Variants in AIG1 observed in about 807,000 individuals in gnomAD.
The protein encoded by AIG1 is androgen-induced gene 1 protein.
In AIG1, 23 loss-of-function variants were observed where a neutral mutation model predicts 31.4. The ratio of observed to expected loss-of-function variants is 0.73; its 90% CI spans 0.53 to 1.04. The LOEUF is 1.04. Ranked by LOEUF, AIG1 falls within the 50% of genes least tolerant of loss-of-function variation. The pLI is 0.00. For missense variants in AIG1, 274 were observed against 295.0 expected, an observed-to-expected ratio of 0.93 and a Z score of 0.52; for synonymous variants, 100 against 110.5, an observed-to-expected ratio of 0.90 and a Z score of 0.60.
chr6:143,274,798 C>A (rs114911914), intron 3 of AIG1, among the ~76,000 whole-genome samples: 1,723 of 152,272 alleles, frequency 0.011, 40 homozygotes, highest in African/African-American at 0.039. Flanking sequence ...TTCTACACTA[C>A]CTTTGACAAG....
chr6:143,235,584 C>T (rs933643001), intron 3 of AIG1, among the ~76,000 whole-genome samples: 2 of 151,866 alleles, frequency 1.3e-5, no homozygotes, highest in Non-Finnish European at 2.9e-5. Flanking sequence ...TGTTCCCAGG[C>T]TCCCCATCTC....
At chr6:143,194,163 A>C (rs1373029446) in intron 3 of AIG1, among the ~76,000 whole-genome samples, 1 of 152,216 alleles carries the variant, frequency 6.6e-6, no homozygotes, top group African/African-American at 2.4e-5. Context: ...GATTTAATTG[A>C]CTTACAGTTC....
At chr6:143,249,671 C>T (rs947882416) in intron 3 of AIG1, among the ~76,000 whole-genome samples, 1 of 152,224 alleles carries the variant, frequency 6.6e-6, no homozygotes, top group Non-Finnish European at 1.5e-5. Context: ...GACGACCCCT[C>T]TCCTGATAGT....
At chr6:143,066,012 C>T (rs2128457722) in intron 1 of AIG1, among the ~76,000 whole-genome samples, 1 of 152,258 alleles carries the variant, frequency 6.6e-6, no homozygotes, top group South Asian at 2.1e-4. Context: ...CATGTCATGG[C>T]AGAATATTGT....
chr6:143,209,917 G>A (rs970137854), intron 3 of AIG1, among the ~76,000 whole-genome samples: 2 of 152,122 alleles, frequency 1.3e-5, no homozygotes, highest in African/African-American at 2.4e-5. Context: ...CTTGCCTGTC[G>A]TGTTCACTGC....
At chr6:143,231,327 A>G (rs1194803890) in intron 3 of AIG1, among the ~76,000 whole-genome samples, 1 of 152,238 alleles carries the variant, frequency 6.6e-6, no homozygotes, top group Non-Finnish European at 1.5e-5. Context: ...TTTTTCCTTC[A>G]AGATAGTGAA....
intron 1 of AIG1, among the ~76,000 whole-genome samples, chr6:143,134,401 T>G (rs1421112016): frequency 6.6e-6 from 1 of 151,318 alleles, no homozygotes; most frequent in Non-Finnish European, 1.5e-5. Context: ...GTTTCCTTTT[T>G]TTTTTTTTTT....
intron 2 of AIG1, among the ~76,000 whole-genome samples, chr6:143,142,974 G>C (rs1784367344): frequency 6.6e-6 from 1 of 152,134 alleles, no homozygotes; most frequent in African/African-American, 2.4e-5. Flanking sequence ...AAGAGGTTTT[G>C]AGATGCATAT....
Position 143,087,194 on chromosome 6 carries a change from C to T in AIG1, c.141+26128C>T, listed in dbSNP as rs12664593. On this transcript the variant is annotated intron_variant, in intron 1 of 5. Coordinates refer to ENST00000357847, the MANE Select transcript of AIG1 (RefSeq NM_016108.4). The stretch of plus-strand genomic sequence containing the variant: ...CTCACCTCTTTGGAGAATCCCAGTA[C>T]GGTCTACCAAATGTTACCGGCGGGT... Among the ~76,000 whole-genome samples the T allele has an allele frequency of 1.4e-3, 217 of 152,310 alleles. 2 individuals are homozygous for T. The East Asian group carries it at 0.031, about 22-fold the overall frequency.
At chr6:143,111,770 AG>A (rs1172632910) in intron 1 of AIG1, among the ~76,000 whole-genome samples, 1 of 152,196 alleles carries the variant, frequency 6.6e-6, no homozygotes, top group East Asian at 1.9e-4. Context: ...GCAGCCTGGA[AG>A]TGGTTATTGA....
At chr6:143,308,203 G>T (rs2208819) in intron 4 of AIG1, among the ~76,000 whole-genome samples, 2 of 152,062 alleles carry the variant, frequency 1.3e-5, no homozygotes, top group African/African-American at 2.4e-5. Context: ...CGCACGGTGC[G>T]CTGCACCCAC....
intron 1 of AIG1, among the ~76,000 whole-genome samples, chr6:143,082,962 T>G (rs1778406673): frequency 6.6e-6 from 1 of 152,248 alleles, no homozygotes. Context: ...TTAATTAGTG[T>G]GTATAATGGC....
chr6:143,196,631 G>A (rs553666229), intron 3 of AIG1, among the ~76,000 whole-genome samples: 1 of 152,096 alleles, frequency 6.6e-6, no homozygotes, highest in Non-Finnish European at 1.5e-5. Context: ...TCATTTAAAG[G>A]CATTGGACTT....
intron 1 of AIG1, among the ~76,000 whole-genome samples, chr6:143,079,038 C>T (rs1278773299): frequency 2.6e-5 from 4 of 152,054 alleles, no homozygotes; most frequent in South Asian, 2.1e-4. Context: ...TGATGTCATG[C>T]GGTTCACACA....
At chr6:143,110,642 T>C (rs774849701) in intron 1 of AIG1, among the ~76,000 whole-genome samples, 3 of 152,206 alleles carry the variant, frequency 2.0e-5, no homozygotes, top group African/African-American at 7.2e-5. Context: ...AGGAACTATT[T>C]TGAAGCTGAA....
intron 1 of AIG1, among the ~76,000 whole-genome samples, chr6:143,117,013 G>A (rs1781797571): frequency 6.6e-6 from 1 of 152,048 alleles, no homozygotes; most frequent in Non-Finnish European, 1.5e-5. Context: ...GGATTCCCTA[G>A]CTCAGAACAC....
intron 3 of AIG1, among the ~76,000 whole-genome samples, chr6:143,193,562 T>A (rs1789971169): frequency 6.6e-6 from 1 of 152,242 alleles, no homozygotes; most frequent in African/African-American, 2.4e-5. Context: ...GGTTGTTAAA[T>A]GATCATAGCA....
intron 2 of AIG1, among the ~76,000 whole-genome samples, chr6:143,156,010 GC>G (rs1223335877): frequency 6.6e-6 from 1 of 152,176 alleles, no homozygotes; most frequent in Non-Finnish European, 1.5e-5. Context: ...GGACATTAGA[GC>G]CTGAAGCTGG....
At chr6:143,098,368 G>A (rs1779975288) in intron 1 of AIG1, among the ~76,000 whole-genome samples, 1 of 152,086 alleles carries the variant, frequency 6.6e-6, no homozygotes, top group African/African-American at 2.4e-5. Context: ...CTTGGATTCT[G>A]GGAAGTGACA....
Sources: allele counts gnomAD v4.1 joint callset (sites outside exome capture counted in the v4.1 genomes callset), GRCh38; gene constraint gnomAD v4.1.1; transcripts MANE v1.5; gene names NCBI Gene and HGNC (gene_info 2026-07-23, HGNC 2026-07-21).